TRAPPC9: variants seen among roughly 807,000 people sequenced by gnomAD.
TRAPPC9 encodes IKK2 binding protein.
A neutral mutation model predicts 124.0 loss-of-function variants in TRAPPC9; 83 were observed. The ratio of observed to expected loss-of-function variants is 0.67; its 90% CI spans 0.56 to 0.80. The LOEUF is 0.80. Ranked by LOEUF, TRAPPC9 falls within the 30% of genes least tolerant of loss-of-function variation. The pLI is 0.00. For missense variants in TRAPPC9, 1,302 were observed against 1,508.3 expected (o/e 0.86, Z 2.27); for synonymous variants, 638 against 617.5 (o/e 1.03, Z -0.49).
At chr8:139,803,177 T>C (rs1586877313) in intron 21 of TRAPPC9, among the ~76,000 whole-genome samples, 2 of 151,910 alleles carry the variant, frequency 1.3e-5, no homozygotes, top group African/African-American at 4.8e-5. Flanking sequence ...GCGCGTTGTG[T>C]ATGTCATTGT....
chr8:139,934,991 G>A (rs1050238988), intron 19 of TRAPPC9, among the ~76,000 whole-genome samples: 8 of 152,188 alleles, frequency 5.3e-5, no homozygotes, highest in Non-Finnish European at 7.3e-5. Flanking sequence ...AATGTTCACA[G>A]AGTCTCTGGT....
intron 16 of TRAPPC9, among the ~76,000 whole-genome samples, chr8:140,251,953 G>A (rs1356764942): frequency 6.6e-6 from 1 of 152,144 alleles, no homozygotes; most frequent in Admixed American, 6.5e-5. Flanking sequence ...TGTTAGGGGA[G>A]CCTGAGTTGA....
chr8:140,244,824 T>TA (rs2063941428), intron 16 of TRAPPC9, among the ~76,000 whole-genome samples: 1 of 100,462 alleles, frequency 1.0e-5, no homozygotes, highest in Admixed American at 1.0e-4. Context: ...TTTTTTTTTT[T>TA]TGAGACAGAG....
chr8:139,787,755 T>C (rs1310288470), intron 21 of TRAPPC9, among the ~76,000 whole-genome samples: 3 of 152,208 alleles, frequency 2.0e-5, no homozygotes, highest in Admixed American at 1.3e-4. Flanking sequence ...AATGAGCACC[T>C]GGGTGTGTTT....
intron 16 of TRAPPC9, among the ~76,000 whole-genome samples, chr8:140,224,399 G>A (rs2063400820): frequency 6.6e-6 from 1 of 152,192 alleles, no homozygotes; most frequent in Non-Finnish European, 1.5e-5. Flanking sequence ...AGAGGTGCCT[G>A]CAGATTTCAG....
intron 22 of TRAPPC9, among the ~76,000 whole-genome samples, chr8:139,731,559 T>C (rs931347149): frequency 2.6e-5 from 4 of 151,720 alleles, no homozygotes; most frequent in African/African-American, 7.3e-5. Context: ...GACAGTGAGG[T>C]GCTGAGAGGC....
chr8:140,420,783 CTT>C (rs1409817497), intron 5 of TRAPPC9, among the ~76,000 whole-genome samples: 1 of 151,942 alleles, frequency 6.6e-6, no homozygotes, highest in Non-Finnish European at 1.5e-5. Flanking sequence ...AAATTGAAAA[CTT>C]AAAAGCAAAA....
chr8:140,246,048 A>T (rs1315450829), intron 16 of TRAPPC9, among the ~76,000 whole-genome samples: 1 of 152,200 alleles, frequency 6.6e-6, no homozygotes, highest in Non-Finnish European at 1.5e-5. Context: ...AGGCAGAATA[A>T]ATACTCATTG....
intron 17 of TRAPPC9, among the ~76,000 whole-genome samples, chr8:140,136,604 G>A (rs1267269767): frequency 2.6e-5 from 4 of 152,196 alleles, no homozygotes; most frequent in Admixed American, 6.5e-5. Flanking sequence ...TTGGGAGGCC[G>A]AGGCTGGTGG....
chr8:139,939,379 G>A (rs896084332), intron 19 of TRAPPC9, among the ~76,000 whole-genome samples: 5 of 152,172 alleles, frequency 3.3e-5, no homozygotes, highest in African/African-American at 2.4e-5. Flanking sequence ...GCCGGGAAGC[G>A]GGGCGAGCCA....
chr8:139,845,345 G>A (rs1049792998), intron 21 of TRAPPC9, among the ~76,000 whole-genome samples: 5 of 152,110 alleles, frequency 3.3e-5, no homozygotes, highest in Non-Finnish European at 7.4e-5. Context: ...TGCATTCCTG[G>A]CCCAGGCCTT....
At chr8:140,332,005 A>G (rs2066905319) in intron 9 of TRAPPC9, among the ~76,000 whole-genome samples, 1 of 152,184 alleles carries the variant, frequency 6.6e-6, no homozygotes, top group Non-Finnish European at 1.5e-5. Context: ...CAGGATGTCA[A>G]AGAGATACCT....
At chr8:139,892,572 G>GT (rs1830416765) in intron 20 of TRAPPC9, among the ~76,000 whole-genome samples, 1 of 152,214 alleles carries the variant, frequency 6.6e-6, no homozygotes. Flanking sequence ...CCAGTCACGG[G>GT]TAACACGCAC....
intron 21 of TRAPPC9, among the ~76,000 whole-genome samples, chr8:139,808,422 C>T (rs954792728): frequency 6.6e-6 from 1 of 152,210 alleles, no homozygotes; most frequent in African/African-American, 2.4e-5. Flanking sequence ...GATGGTGCCA[C>T]TGCACTCAAG....
At chr8:140,188,832 G>A (rs73727524) in intron 17 of TRAPPC9, among the ~76,000 whole-genome samples, 13,084 of 152,142 alleles carry the variant, frequency 0.086, 1,443 homozygotes, top group African/African-American at 0.26. Context: ...TGATGGTCCC[G>A]AATTGATACC....
chr8:140,264,333 T>C (rs1161711765), intron 15 of TRAPPC9, among the ~76,000 whole-genome samples: 4 of 152,036 alleles, frequency 2.6e-5, no homozygotes, highest in East Asian at 1.9e-4. Context: ...CTTTCCCAGG[T>C]GCTCCCCATG....
rs565622001 is a variant in TRAPPC9, at chr8:140,271,907, G to A, written c.2278+3751C>T. The stretch of plus-strand genomic sequence containing the variant: ...GTCTGTGGCAATAGCAATAGTGGCA[G>A]TGGTGGTGGTGGTAGTGATGGTGGT... On this transcript the variant is annotated intron_variant, in intron 15 of 22. Transcript: ENST00000438773. Among the ~76,000 whole-genome samples the A allele has an allele frequency of 5.4e-4, 82 of 152,284 alleles. 1 individual carries two copies. The highest frequency in any genetic ancestry group is 1.9e-3 in the African/African-American group (79 of 41,554).
intron 10 of TRAPPC9, chr8:140,302,630 G>A (rs1378775578): frequency 6.6e-6 from 1 of 152,242 alleles, no homozygotes; most frequent in East Asian, 1.9e-4. Context: ...GCGCTGATCA[G>A]GAAAGCGACG....
At chr8:140,418,079 G>C (rs1037052405) in intron 5 of TRAPPC9, among the ~76,000 whole-genome samples, 14 of 152,146 alleles carry the variant, frequency 9.2e-5, no homozygotes, top group Non-Finnish European at 1.8e-4. Context: ...GGGGCTAGGG[G>C]AAGGACAGCA....
Sources: gnomAD v4.1 joint callset for allele counts (sites outside exome capture counted in the v4.1 genomes callset) on GRCh38, gnomAD v4.1.1 for gene constraint, MANE v1.5 for transcripts, NCBI Gene and HGNC (gene_info 2026-07-23, HGNC 2026-07-21) for gene names.